Variants in MINDY2 observed in about 807,000 individuals in gnomAD.
The protein encoded by MINDY2 is MINDY lysine 48 deubiquitinase 2, also known as ubiquitin carboxyl-terminal hydrolase MINDY-2.
MINDY2 carries 52 observed loss-of-function variants against 68.2 expected under a neutral mutation model. The observed-to-expected ratio is 0.76, with a 90% confidence interval of 0.61 to 0.96. The LOEUF (loss-of-function observed/expected upper bound fraction) is 0.96, where lower values mean the gene tolerates loss of function less well. MINDY2 is among the 40% of genes least tolerant of loss of function. The pLI, the probability that MINDY2 is intolerant of heterozygous loss-of-function variation, is 0.00. For missense variants in MINDY2, 881 were observed against 773.4 expected (o/e 1.14, Z -1.65); for synonymous variants, 372 against 303.0 (o/e 1.23, Z -2.36).
chr15:58,792,016 G>T (rs1901975036), intron 2 of MINDY2, among the ~76,000 whole-genome samples: 1 of 152,060 alleles, frequency 6.6e-6, no homozygotes, highest in Admixed American at 6.5e-5. Flanking sequence ...TGAGAGATGA[G>T]CTGAATCAAA....
chr15:58,812,890 A>G (rs1239325767), intron 4 of MINDY2, among the ~76,000 whole-genome samples: 1 of 152,116 alleles, frequency 6.6e-6, no homozygotes, highest in Non-Finnish European at 1.5e-5. Context: ...AATAAATAAA[A>G]TCAAGATATG....
At chr15:58,835,495 A>G (rs1467954254) in intron 6 of MINDY2, among the ~76,000 whole-genome samples, 5 of 152,132 alleles carry the variant, frequency 3.3e-5, no homozygotes, top group African/African-American at 1.2e-4. Context: ...TTTACTAAAA[A>G]TACAAAAATT....
At chr15:58,778,345 A>G (rs1290626442) in intron 1 of MINDY2, among the ~76,000 whole-genome samples, 7 of 152,144 alleles carry the variant, frequency 4.6e-5, no homozygotes, top group South Asian at 4.2e-4. Flanking sequence ...TCTTTTCCCA[A>G]TTTTTTTCTT....
intron 6 of MINDY2, among the ~76,000 whole-genome samples, chr15:58,845,718 A>G (rs1027548897): frequency 6.6e-6 from 1 of 152,220 alleles, no homozygotes; most frequent in South Asian, 2.1e-4. Context: ...AAGAAAGGAA[A>G]TCAGTATATC....
chr15:58,844,919 TAAAAAAAAAAAAA>T (rs35379834), intron 6 of MINDY2, among the ~76,000 whole-genome samples: 2 of 67,844 alleles, frequency 2.9e-5, no homozygotes, highest in South Asian at 1.2e-3. Flanking sequence ...AGACCCTGCC[TAAAAAAAAAAAAA>T]AAAAAAAAAA....
At chr15:58,822,482 A>G (rs1329147675) in intron 5 of MINDY2, among the ~76,000 whole-genome samples, 2 of 152,184 alleles carry the variant, frequency 1.3e-5, no homozygotes, top group African/African-American at 4.8e-5. Context: ...TTGATCCTGA[A>G]TACTTCAACT....
chr15:58,771,979 A>C lies in MINDY2; in HGVS notation c.584A>C (p.Glu195Ala). Residue 195 changes from glutamate (E) to alanine (A), a missense_variant, in exon 1 of 9, where the codon GAG becomes GCG. Physicochemically the swap from Glu to Ala is moderately radical, Grantham distance 107 (BLOSUM62 -1). Transcript: ENST00000559228. ...FPSSCEFNSE[E>A]GAENRVPEEE... ...AGTAGCTGCGAGTTCAATAGTGAGG[A>C]GGGAGCGGAGAACAGGGTCCCTGAG... 1.3e-6 allele frequency: 2 copies of C among 1,580,918 alleles called. No individual in the cohort carries two copies. Among genetic ancestry groups the C allele is most frequent in the Non-Finnish European group, 1.7e-6 (2 of 1,164,994 alleles).
At position 58,812,576 on chromosome 15, in the gene MINDY2, A is replaced by G. The variant is rs545422118; in HGVS notation, c.1122+2188A>G. Among the ~76,000 whole-genome samples the G allele has an allele frequency of 7.9e-5, 12 of 151,904 alleles. No homozygotes were observed. The South Asian group carries it at 2.5e-3, about 32-fold the overall frequency. On this transcript the variant is annotated intron_variant, in intron 4 of 8. Transcript: ENST00000559228. ...ATTGACATTAGTAAAGTCGAGATAC[A>G]TGGCTGGACACAGTGGCTCATGCCT...
At chr15:58,838,581 G>GTTTT in intron 6 of MINDY2, among the ~76,000 whole-genome samples, 1 of 100,562 alleles carries the variant, frequency 9.9e-6, no homozygotes, top group African/African-American at 4.8e-5. Context: ...ACTTTTTAGG[G>GTTTT]ATTTTTTTTT....
chr15:58,771,673 A>C lies in MINDY2; in HGVS notation c.278A>C (p.Glu93Ala). The C allele has an allele frequency of 3.1e-6, 5 of 1,612,496 alleles. No homozygotes were observed. Among genetic ancestry groups the C allele is most frequent in the Non-Finnish European group, 4.2e-6 (5 of 1,179,890 alleles). Residue 93 changes from glutamate to alanine, a missense_variant, in exon 1 of 9, where the codon GAG becomes GCG. Physicochemically the swap from Glu to Ala is moderately radical, Grantham distance 107. Transcript: ENST00000559228. ...AGLDLKDSGL[E>A]SPAAAEAPLR... Reference sequence around the variant, plus strand: ...TTGGACTTGAAGGACAGTGGTTTGGAGAGTCCTGCTGCCGCCGAGGCGCCT... The same window carrying C: ...TTGGACTTGAAGGACAGTGGTTTGGCGAGTCCTGCTGCCGCCGAGGCGCCT...
intron 2 of MINDY2, among the ~76,000 whole-genome samples, chr15:58,800,593 T>A (rs1055803920): frequency 1.3e-5 from 2 of 152,196 alleles, no homozygotes; most frequent in Non-Finnish European, 2.9e-5. Context: ...CCATTCATTC[T>A]TCCCCTCAAA....
At position 58,778,151 on chromosome 15, in the gene MINDY2, T is replaced by C. The variant is rs189631133; in HGVS notation, c.840+5916T>C. ...TTTTTTTATTTTAGAAAGAATGTTA[T>C]AGGTTCTGAGGCCAACATACATACA... On this transcript the variant is annotated intron_variant, in intron 1 of 8. Coordinates refer to ENST00000559228, the MANE Select transcript of MINDY2 (RefSeq NM_001040450.3). 5.3e-5 allele frequency among the ~76,000 whole-genome samples: 8 copies of C among 152,278 alleles called. No individual in the cohort carries two copies. The East Asian group carries it at 1.2e-3, about 22-fold the overall frequency.
intron 1 of MINDY2, among the ~76,000 whole-genome samples, chr15:58,784,320 A>T (rs764041681): frequency 6.6e-6 from 1 of 152,056 alleles, no homozygotes; most frequent in Admixed American, 6.6e-5. Context: ...TGAGAACATG[A>T]TGTCTTAAAA....
chr15:58,846,390 G>A (rs1030630295), intron 6 of MINDY2, among the ~76,000 whole-genome samples: 1 of 152,014 alleles, frequency 6.6e-6, no homozygotes, highest in African/African-American at 2.4e-5. Flanking sequence ...TCAGGAGATC[G>A]AGACCATCCT....
intron 3 of MINDY2, among the ~76,000 whole-genome samples, chr15:58,809,360 C>G (rs1434926166): frequency 1.3e-5 from 2 of 152,170 alleles, no homozygotes; most frequent in African/African-American, 2.4e-5. Context: ...TTTCACTCAG[C>G]ATGATGTCCT....
chr15:58,771,449 G>T lies in MINDY2; in HGVS notation c.54G>T (p.Gly18=). The change falls in exon 1 of 9, where the codon GGG becomes GGT. Residue 18 remains glycine (G), a synonymous_variant. Coordinates refer to ENST00000559228, the MANE Select transcript of MINDY2 (RefSeq NM_001040450.3). ...CGCTAGAACACGGGGTGGCGGCCGGGCCAGCGTCAGGGACAGGTTCTTCGC... is the reference window on the plus strand; with the variant it reads ...CGCTAGAACACGGGGTGGCGGCCGGTCCAGCGTCAGGGACAGGTTCTTCGC... ...LQPLEHGVAA[G]PASGTGSSQE... is the part of the protein sequence containing the mutation. 6.2e-7 allele frequency: 1 copy of T among 1,612,364 alleles called. No individual in the cohort carries two copies. The highest frequency in any genetic ancestry group is 8.5e-7 in the Non-Finnish European group (1 of 1,179,748).
chr15:58,811,938 C>T (rs1420055510), intron 4 of MINDY2, among the ~76,000 whole-genome samples: 9 of 152,150 alleles, frequency 5.9e-5, no homozygotes, highest in Admixed American at 4.6e-4. Context: ...TTTTCACTTA[C>T]TTACATTTTT....
intron 8 of MINDY2, among the ~76,000 whole-genome samples, chr15:58,853,922 C>T (rs1471395060): frequency 6.7e-6 from 1 of 149,092 alleles, no homozygotes; most frequent in African/African-American, 2.5e-5. Context: ...TTAACATTTT[C>T]TAAACTTTTA....
At chr15:58,799,990 G>C (rs1413852043) in intron 2 of MINDY2, among the ~76,000 whole-genome samples, 1 of 152,186 alleles carries the variant, frequency 6.6e-6, no homozygotes, top group Admixed American at 6.6e-5. Context: ...AAATAATAGA[G>C]ATGGTGGCAT....
Sources: gnomAD v4.1 joint callset for allele counts (sites outside exome capture counted in the v4.1 genomes callset) on GRCh38, gnomAD v4.1.1 for gene constraint, MANE v1.5 for transcripts, NCBI Gene and HGNC (gene_info 2026-07-23, HGNC 2026-07-21) for gene names.